CAPS2: variants seen among roughly 807,000 people sequenced by gnomAD.
CAPS2 encodes calcyphosin-2.
Under a neutral mutation model 86.5 loss-of-function variants are expected in CAPS2, and 98 were observed. The observed-to-expected ratio is 1.13, with a 90% confidence interval of 0.96 to 1.34. The LOEUF (loss-of-function observed/expected upper bound fraction) is 1.34, where lower values mean the gene tolerates loss of function less well. Among genes scored for constraint, CAPS2 ranks in the 40% most tolerant of loss-of-function variants. The pLI is 0.00. For synonymous variants in CAPS2, 210 were observed against 225.1 expected (o/e 0.93, Z 0.60); for missense variants, 729 against 686.8 (o/e 1.06, Z -0.69).
At chr12:75,301,071 TAA>T (rs2037756156) in intron 8 of CAPS2, among the ~76,000 whole-genome samples, 1 of 152,212 alleles carries the variant, frequency 6.6e-6, no homozygotes, top group Non-Finnish European at 1.5e-5. Flanking sequence ...CTGCCAGCCC[TAA>T]AATTCTATTT....
intron 1 of CAPS2, among the ~76,000 whole-genome samples, chr12:75,380,578 C>T (rs1044169679): frequency 9.9e-5 from 15 of 152,166 alleles, no homozygotes; most frequent in South Asian, 2.1e-4. Flanking sequence ...ATTTATTAAG[C>T]ATGCATAATA....
chr12:75,283,495 A>G (rs1318827313), intron 15 of CAPS2, among the ~76,000 whole-genome samples: 2 of 152,088 alleles, frequency 1.3e-5, no homozygotes, highest in African/African-American at 4.8e-5. Flanking sequence ...CCCCTTATCC[A>G]ATATGACTGG....
intron 14 of CAPS2, among the ~76,000 whole-genome samples, chr12:75,288,139 A>G (rs2035224679): frequency 6.6e-6 from 1 of 152,210 alleles, no homozygotes; most frequent in Non-Finnish European, 1.5e-5. Context: ...CAAAGACATC[A>G]AGGCTTTCTA....
intron 14 of CAPS2, among the ~76,000 whole-genome samples, chr12:75,288,891 A>G (rs1423585275): frequency 1.3e-5 from 2 of 152,222 alleles, no homozygotes; most frequent in African/African-American, 4.8e-5. Context: ...ATGAAAAAAA[A>G]TAAAATGAGA....
Position 75,308,687 on chromosome 12 carries a change from T to C in CAPS2, c.660-3811A>G, listed in dbSNP as rs73364053. Among the ~76,000 whole-genome samples, 581 of 151,062 alleles carry C rather than the reference T, an allele frequency of 3.8e-3. 9 individuals carry two copies. Among genetic ancestry groups the C allele is most frequent in the African/African-American group, 0.014 (559 of 41,084 alleles). On this transcript the variant is annotated intron_variant, in intron 7 of 16. Transcript: ENST00000393284. Reference sequence around the variant, plus strand: ...AAATAGGGGAAATGAGGCAGGAAAATAGCAAAAGGAATTAAAAGTTGGATA... The same window carrying C: ...AAATAGGGGAAATGAGGCAGGAAAACAGCAAAAGGAATTAAAAGTTGGATA...
At position 75,338,620 on chromosome 12, in the gene CAPS2, T is replaced by C. The variant is rs143510022; in HGVS notation, c.-394-15398A>G. On this transcript the variant is annotated intron_variant, in intron 1 of 5. Coordinates refer to the CAPS2 transcript ENST00000551829. ...TTTTTTCAGTTTTTAAGTTCTGGGGTACATGTGCAGGATGTGCAGGTTTGT... is the reference window on the plus strand; with the variant it reads ...TTTTTTCAGTTTTTAAGTTCTGGGGCACATGTGCAGGATGTGCAGGTTTGT... Among the ~76,000 whole-genome samples the C allele has an allele frequency of 4.1e-3, 621 of 152,032 alleles. 2 individuals are homozygous for C. Among genetic ancestry groups the C allele is most frequent in the African/African-American group, 0.014 (595 of 41,434 alleles).
exon 17 of CAPS2, chr12:75,277,357 C>T (rs930548150): frequency 1.2e-4 from 119 of 973,796 alleles, no homozygotes; most frequent in Non-Finnish European, 1.4e-4. Context: ...TGAGCACCCC[C>T]AGTATTAGTC....
At chr12:75,314,214 C>G (rs1341223786) in intron 6 of CAPS2, among the ~76,000 whole-genome samples, 1 of 152,006 alleles carries the variant, frequency 6.6e-6, no homozygotes, top group Non-Finnish European at 1.5e-5. Flanking sequence ...GCCACCATGG[C>G]CAGCCTAAAT....
At chr12:75,284,688 G>A (rs5014055) in intron 15 of CAPS2, among the ~76,000 whole-genome samples, 2,193 of 152,014 alleles carry the variant, frequency 0.014, 63 homozygotes, top group African/African-American at 0.049. Flanking sequence ...CATTTATGGA[G>A]GCAACAACTT....
rs1238602445 is a variant in CAPS2 at position 75,291,566 on chromosome 12, AGTATAT to A, written c.1240+172_1240+177del. 1.4e-3 allele frequency among the ~76,000 whole-genome samples: 59 copies of A among 41,810 alleles called. 1 individual carries two copies. Among genetic ancestry groups the A allele is most frequent in the Non-Finnish European group, 1.8e-3 (45 of 24,488 alleles). The allele number at this position is 41,810 out of a possible 152,430, so 27.4% of individuals were successfully genotyped here. On this transcript the variant is annotated intron_variant, in intron 13 of 16. Transcript: ENST00000393284. ...TATATATATATAGCTTATTTTTAAA[AGTATAT>A]ATATATATATATATATATATATATA...
At chr12:75,299,072 T>C (rs2037384115) in intron 9 of CAPS2, 106 bp from the exon 10 acceptor site, 1 of 689,230 alleles carries the variant, frequency 1.5e-6, no homozygotes, top group Non-Finnish European at 2.4e-6. Context: ...CTCTTATGTA[T>C]GTGGCAATGA....
intron 15 of CAPS2, among the ~76,000 whole-genome samples, chr12:75,283,148 T>C (rs368430487): frequency 7.7e-4 from 117 of 152,380 alleles, no homozygotes; most frequent in Middle Eastern, 3.4e-3. Flanking sequence ...TGAAATTTAA[T>C]ACACTTTTTA....
chr12:75,384,900 A>T (rs942607920), intron 1 of CAPS2, among the ~76,000 whole-genome samples: 1 of 152,220 alleles, frequency 6.6e-6, no homozygotes, highest in Non-Finnish European at 1.5e-5. Flanking sequence ...GCAGTATTGA[A>T]AGGTGGGGCT....
intron 14 of CAPS2, among the ~76,000 whole-genome samples, chr12:75,287,439 A>G (rs2035088289): frequency 6.6e-6 from 1 of 152,114 alleles, no homozygotes; most frequent in Non-Finnish European, 1.5e-5. Context: ...AGAGGCCAAG[A>G]AGAGTCAGAA....
chr12:75,342,952 A>G (rs894614414), intron 1 of CAPS2, among the ~76,000 whole-genome samples: 7 of 126,658 alleles, frequency 5.5e-5, no homozygotes, highest in African/African-American at 2.0e-4. Context: ...GAATATATAG[A>G]TATATAATAG....
intron 1 of CAPS2, among the ~76,000 whole-genome samples, chr12:75,383,051 C>T (rs2045086599): frequency 6.6e-6 from 1 of 152,128 alleles, no homozygotes; most frequent in Admixed American, 6.5e-5. Flanking sequence ...ACCATTCAAA[C>T]CTTATTAGAA....
intron 1 of CAPS2, among the ~76,000 whole-genome samples, chr12:75,379,472 C>T (rs74108760): frequency 0.018 from 2,815 of 152,228 alleles, 72 homozygotes; most frequent in African/African-American, 0.064. Flanking sequence ...TCTTGGGAAG[C>T]CTGTCATTGC....
At chr12:75,366,970 C>T (rs746242763) in intron 1 of CAPS2, 16 of 701,652 alleles carry the variant, frequency 2.3e-5, no homozygotes, top group Non-Finnish European at 3.9e-5. Flanking sequence ...GGGCAGCTTG[C>T]AGCTTGCAGT....
intron 5 of CAPS2, among the ~76,000 whole-genome samples, chr12:75,318,622 C>T (rs770947177): frequency 3.3e-4 from 50 of 152,214 alleles, no homozygotes; most frequent in Admixed American, 7.2e-4. Context: ...AAAATGCTAT[C>T]TTATCTAAAG....
Sources: allele counts gnomAD v4.1 joint callset (sites outside exome capture counted in the v4.1 genomes callset), GRCh38; gene constraint gnomAD v4.1.1; transcripts MANE v1.5; gene names NCBI Gene and HGNC (gene_info 2026-07-23, HGNC 2026-07-21).